The following CD38 variants were observed in gnomAD, a reference collection of about 807,000 sequenced individuals.
CD38 encodes CD38 molecule.
A neutral mutation model predicts 36.3 loss-of-function variants in CD38; 31 were observed. The observed-to-expected ratio is 0.85, with a 90% CI of 0.64 to 1.15. The LOEUF (loss-of-function observed/expected upper bound fraction) is 1.15, where lower values mean the gene tolerates loss of function less well. Among genes scored for constraint, CD38 ranks in the 50% most tolerant of loss-of-function variants. The pLI, the probability that CD38 is intolerant of heterozygous loss-of-function variation, is 0.00. For missense variants in CD38, 380 were observed against 371.9 expected, an observed-to-expected ratio of 1.02 and a Z score of -0.18; for synonymous variants, 131 against 135.2, an observed-to-expected ratio of 0.97 and a Z score of 0.22.
chr4:15,807,442 C>T (rs1243854923), intron 1 of CD38, among the ~76,000 whole-genome samples: 3 of 152,062 alleles, frequency 2.0e-5, no homozygotes, highest in Admixed American at 1.3e-4. Context: ...GGTGATAGGC[C>T]ACGTACACAG....
At chr4:15,785,993 G>GTCTGGAGTTGTTCGTTCCTCCCA (rs565118915) in intron 1 of CD38, among the ~76,000 whole-genome samples, 2 of 152,094 alleles carry the variant, frequency 1.3e-5, no homozygotes, top group African/African-American at 4.8e-5. Flanking sequence ...AAGGCAGCGC[G>GTCTGGAGTTGTTCGTTCCTCCCA]TCTGGAGTTG....
chr4:15,824,126 A>AC (rs1473064263), intron 2 of CD38, among the ~76,000 whole-genome samples: 1 of 152,104 alleles, frequency 6.6e-6, no homozygotes, highest in African/African-American at 2.4e-5. Flanking sequence ...GGAGGGGAAA[A>AC]ACACACACTG....
Position 15,849,060 on chromosome 4 carries a change from A to G in CD38, c.*458A>G, listed in dbSNP as rs78248215. 91 of 154,702 alleles carry G rather than the reference A, an allele frequency of 5.9e-4. No homozygotes were observed. Among genetic ancestry groups the G allele is most frequent in the Non-Finnish European group, 9.1e-4 (63 of 69,454 alleles). 9.6% of individuals were successfully genotyped at this position (154,702 alleles called of 1,614,324 possible). On this transcript the variant is annotated 3_prime_UTR_variant, in exon 8 of 8. Coordinates refer to ENST00000226279, the MANE Select transcript of CD38 (RefSeq NM_001775.4). ...TTGTACCCTTCCTACAGATAGTCAA[A>G]CCATAAACTTCATGGTCATGGGTCA...
chr4:15,778,633 T>G lies in CD38; in HGVS notation c.219T>G (p.Ile73Met), dbSNP rs2148911668. The G allele has an allele frequency of 6.2e-7, 1 of 1,612,218 alleles. No individual in the cohort carries two copies. The change falls in exon 1 of 8, where the codon ATT becomes ATG. Residue 73 changes from isoleucine to methionine, a missense_variant. Physicochemically the swap from Ile to Met is conservative, Grantham distance 10 (BLOSUM62 1). Transcript: ENST00000226279. The surrounding 1 kb of genome is among the most constrained non-coding windows in gnomAD (Gnocchi z 4.9). ...CGCGATGCGTCAAGTACACTGAAAT[T>G]CATCCTGAGATGAGGTGGGTTGGCG... ...VLARCVKYTE[I>M]HPEMRHVDCQ...
intron 2 of CD38, among the ~76,000 whole-genome samples, chr4:15,818,809 G>C (rs1342841186): frequency 6.6e-6 from 1 of 152,122 alleles, no homozygotes; most frequent in East Asian, 1.9e-4. Context: ...AAAACAGAAA[G>C]CAACAACATC....
intron 1 of CD38, among the ~76,000 whole-genome samples, chr4:15,787,289 G>C (rs1277075331): frequency 6.6e-6 from 1 of 152,258 alleles, no homozygotes; most frequent in South Asian, 2.1e-4. Flanking sequence ...GACCCTGAGA[G>C]AGATTAAGTA....
rs759275260 is a variant in CD38 at position 15,824,951 on chromosome 4, T to C, written c.434T>C (p.Leu145Pro). 5 of 1,613,842 alleles carry C rather than the reference T, an allele frequency of 3.1e-6. No individual in the cohort carries two copies. Among genetic ancestry groups the C allele is most frequent in the Non-Finnish European group, 3.4e-6 (4 of 1,179,902 alleles). Residue 145 changes from leucine to proline, a missense_variant, in exon 3 of 8, where the codon CTG becomes CCG. Physicochemically the swap from Leu to Pro is moderately conservative, Grantham distance 98. Transcript: ENST00000226279. ...FTQVQRDMFT[L>P]EDTLLGYLAD... is the part of the protein sequence containing the mutation. ...CAGGTCCAGCGGGACATGTTCACCC[T>C]GGAGGACACGCTGCTAGGCTACCTT...
intron 1 of CD38, among the ~76,000 whole-genome samples, chr4:15,796,539 A>C (rs1194810667): frequency 6.6e-6 from 1 of 152,158 alleles, no homozygotes; most frequent in Non-Finnish European, 1.5e-5. Context: ...CACCACATGG[A>C]GTTAATAGAC....
chr4:15,830,831 G>T (rs1047415935), intron 3 of CD38, among the ~76,000 whole-genome samples: 1 of 152,100 alleles, frequency 6.6e-6, no homozygotes, highest in African/African-American at 2.4e-5. Context: ...GAGCCACTCT[G>T]TGCCTTCTGA....
intron 2 of CD38, among the ~76,000 whole-genome samples, chr4:15,821,927 G>C (rs908886154): frequency 1.3e-5 from 2 of 151,174 alleles, no homozygotes; most frequent in African/African-American, 4.9e-5. Flanking sequence ...GAAGAACATC[G>C]ATACAAAAAT....
At chr4:15,802,069 C>G (rs902296463) in intron 1 of CD38, among the ~76,000 whole-genome samples, 2 of 152,104 alleles carry the variant, frequency 1.3e-5, no homozygotes, top group Non-Finnish European at 2.9e-5. Flanking sequence ...CCAAAAAACT[C>G]TTAGAATTGA....
intron 3 of CD38, among the ~76,000 whole-genome samples, chr4:15,826,553 A>G (rs1723854835): frequency 6.6e-6 from 1 of 152,052 alleles, no homozygotes; most frequent in Non-Finnish European, 1.5e-5. Context: ...TAAAGGATAA[A>G]TTGTAATAGA....
Position 15,834,057 on chromosome 4 carries a change from C to T in CD38, c.500-160C>T, listed in dbSNP as rs1040839108. Among the ~76,000 whole-genome samples, 3 of 152,168 alleles carry T rather than the reference C, an allele frequency of 2.0e-5. No homozygotes were observed. In the East Asian group the frequency reaches 5.8e-4, roughly 29 times the overall value. On this transcript the variant is annotated intron_variant, in intron 3 of 7. Coordinates refer to ENST00000226279, the MANE Select transcript of CD38 (RefSeq NM_001775.4). The stretch of plus-strand genomic sequence containing the variant: ...AAGAACTTGGAAAGAATTCAGGGGA[C>T]ACTTAGTTAAATTGGGTCAAAATGT...
At chr4:15,809,267 G>C (rs1723413028) in intron 1 of CD38, among the ~76,000 whole-genome samples, 1 of 152,172 alleles carries the variant, frequency 6.6e-6, no homozygotes, top group African/African-American at 2.4e-5. Flanking sequence ...GTGGTGGAGG[G>C]AATCAGGAGA....
At chr4:15,785,565 T>C (rs997647134) in intron 1 of CD38, among the ~76,000 whole-genome samples, 2 of 151,118 alleles carry the variant, frequency 1.3e-5, no homozygotes, top group African/African-American at 4.9e-5. Flanking sequence ...CAATAAACAC[T>C]CATGGCTTCT....
chr4:15,823,350 G>A (rs1723780210), intron 2 of CD38, among the ~76,000 whole-genome samples: 1 of 152,176 alleles, frequency 6.6e-6, no homozygotes, highest in South Asian at 2.1e-4. Context: ...AAGTGCTTCT[G>A]CACAGCAGAA....
intron 4 of CD38, among the ~76,000 whole-genome samples, chr4:15,834,882 C>T (rs1483438246): frequency 6.6e-6 from 1 of 151,824 alleles, no homozygotes; most frequent in Non-Finnish European, 1.5e-5. Context: ...CTCACCACTC[C>T]ACCCTCTACC....
chr4:15,838,111 A>G lies in CD38; in HGVS notation c.605A>G (p.Asp202Gly). 6.2e-7 allele frequency: 1 copy of G among 1,613,694 alleles called. No homozygotes were observed. The highest frequency in any genetic ancestry group is 8.5e-7 in the Non-Finnish European group (1 of 1,179,850). Residue 202 changes from aspartate (D) to glycine (G), a missense_variant, in exon 5 of 8, where the codon GAT (aspartate) becomes GGT (glycine). Physicochemically the swap from Asp to Gly is moderately conservative, Grantham distance 94. Transcript: ENST00000226279. ...TTTAAGTTTGCAGAAGCTGCCTGTG[A>G]TGTGGTCCATGTGATGCTCAATGGA... ...VSRRFAEAAC[D>G]VVHVMLNGSR...
chr4:15,796,851 A>C (rs1723113202), intron 1 of CD38, among the ~76,000 whole-genome samples: 1 of 152,094 alleles, frequency 6.6e-6, no homozygotes, highest in Non-Finnish European at 1.5e-5. Context: ...CCACTTTACA[A>C]ATTTACTATA....
Sources: allele counts gnomAD v4.1 joint callset (sites outside exome capture counted in the v4.1 genomes callset), GRCh38; gene constraint gnomAD v4.1.1; non-coding constraint Gnocchi (gnomAD v3.1); transcripts MANE v1.5; gene names NCBI Gene and HGNC (gene_info 2026-07-23, HGNC 2026-07-21).